The following EHHADH variants were observed in gnomAD, a reference collection of about 807,000 sequenced individuals.
EHHADH encodes enoyl-CoA hydratase and 3-hydroxyacyl CoA dehydrogenase.
Under a neutral mutation model 64.4 loss-of-function variants are expected in EHHADH, and 48 were observed. The ratio of observed to expected loss-of-function variants is 0.75; its 90% CI spans 0.59 to 0.95. EHHADH has a LOEUF of 0.95. Among genes scored for constraint, EHHADH ranks in the 40% least tolerant of loss-of-function variants. EHHADH has a pLI of 0.00. For missense variants in EHHADH, 854 were observed against 876.6 expected (o/e 0.97, Z 0.33); for synonymous variants, 308 against 326.7 (o/e 0.94, Z 0.62).
intron 2 of EHHADH, among the ~76,000 whole-genome samples, chr3:185,236,944 C>T (rs1719311468): frequency 6.6e-6 from 1 of 152,116 alleles, no homozygotes; most frequent in Non-Finnish European, 1.5e-5. Flanking sequence ...ATAACAATTC[C>T]CATTTTACAG....
chr3:185,206,914 A>T lies in EHHADH; in HGVS notation c.569-2157T>A, dbSNP rs77716386. Among the ~76,000 whole-genome samples the T allele has an allele frequency of 4.5e-3, 668 of 148,826 alleles. 11 individuals carry two copies. The highest frequency in any genetic ancestry group is 0.016 in the African/African-American group (614 of 38,936). ...TGGTAGTCAGAATAACACCCCCCCC[A>T]CCAAATGTTCATGTCTTAATTCCTA... On this transcript the variant is annotated intron_variant, in intron 5 of 6. Coordinates refer to ENST00000231887, the MANE Select transcript of EHHADH (RefSeq NM_001966.4).
Position 185,229,257 on chromosome 3 carries a change from T to A in EHHADH, c.463+175A>T, listed in dbSNP as rs566101524. Among the ~76,000 whole-genome samples, 3 of 152,362 alleles carry A rather than the reference T, an allele frequency of 2.0e-5. No individual in the cohort carries two copies. The South Asian group carries it at 6.2e-4, about 32-fold the overall frequency. On this transcript the variant is annotated intron_variant, in intron 4 of 6. Coordinates refer to ENST00000231887, the MANE Select transcript of EHHADH (RefSeq NM_001966.4). Reference sequence around the variant, plus strand: ...CACATTTGATCTTCACGATAACGTTTGAGAAGCTCAGAAAGGTAGTTCTCC... The same window carrying A: ...CACATTTGATCTTCACGATAACGTTAGAGAAGCTCAGAAAGGTAGTTCTCC...
chr3:185,195,050 C>A (rs540437727), intron 6 of EHHADH, among the ~76,000 whole-genome samples: 1 of 152,058 alleles, frequency 6.6e-6, no homozygotes, highest in Admixed American at 6.6e-5. Flanking sequence ...GAAGTTGGAC[C>A]CTTACCTCAC....
chr3:185,203,122 A>G (rs1158901750), intron 6 of EHHADH, among the ~76,000 whole-genome samples: 2 of 152,174 alleles, frequency 1.3e-5, no homozygotes, highest in South Asian at 2.1e-4. Context: ...TAAGGGCTAT[A>G]GACTAAATAA....
chr3:185,219,542 C>T (rs1718780474), intron 4 of EHHADH, among the ~76,000 whole-genome samples: 1 of 152,150 alleles, frequency 6.6e-6, no homozygotes, highest in Non-Finnish European at 1.5e-5. Flanking sequence ...AGGGTTTGCA[C>T]CGTTCCTAAA....
chr3:185,243,037 C>T (rs1202869839), intron 2 of EHHADH, among the ~76,000 whole-genome samples: 1 of 152,236 alleles, frequency 6.6e-6, no homozygotes, highest in Non-Finnish European at 1.5e-5. Context: ...AGGGCCTTTC[C>T]TGCTGCTTCC....
chr3:185,203,018 A>C (rs1439351781), intron 6 of EHHADH, among the ~76,000 whole-genome samples: 2 of 152,138 alleles, frequency 1.3e-5, no homozygotes, highest in African/African-American at 2.4e-5. Context: ...TGAAGGGAAA[A>C]AAAAGGATAT....
At chr3:185,253,261 A>C (rs1719798404) in intron 1 of EHHADH, 2 of 146,884 alleles carry the variant, frequency 1.4e-5, no homozygotes, top group South Asian at 2.2e-4. Flanking sequence ...AAAAAGTCCC[A>C]CTAATGCCAG....
At chr3:185,221,563 T>C (rs9851199) in intron 4 of EHHADH, among the ~76,000 whole-genome samples, 118,154 of 148,418 alleles carry the variant, frequency 0.8, 47,788 homozygotes, top group Non-Finnish European at 0.87. Flanking sequence ...TATAGCCTCA[T>C]GATATTTTTT....
chr3:185,221,880 A>T (rs905592611), intron 4 of EHHADH, among the ~76,000 whole-genome samples: 4 of 151,912 alleles, frequency 2.6e-5, no homozygotes, highest in Admixed American at 1.3e-4. Flanking sequence ...GGCCCGCCTC[A>T]CATTATTTTC....
At chr3:185,250,098 C>A (rs1489296626) in intron 1 of EHHADH, among the ~76,000 whole-genome samples, 3 of 152,206 alleles carry the variant, frequency 2.0e-5, no homozygotes, top group Non-Finnish European at 4.4e-5. Context: ...TTCCAGGGCA[C>A]TGCTGTGAGA....
chr3:185,243,773 C>T (rs964459457), intron 2 of EHHADH, among the ~76,000 whole-genome samples: 3 of 152,118 alleles, frequency 2.0e-5, no homozygotes, highest in Non-Finnish European at 2.9e-5. Flanking sequence ...TTTTGGAGAA[C>T]GTTCCATGCA....
Position 185,240,428 on chromosome 3 carries a change from T to C in EHHADH, c.179-4966A>G, listed in dbSNP as rs568888877. Among the ~76,000 whole-genome samples the C allele has an allele frequency of 5.3e-5, 8 of 152,164 alleles. No homozygotes were observed. The South Asian group carries it at 1.7e-3, about 32-fold the overall frequency. ...TTTTTTTGGTCAAAAAATTTTTTAT[T>C]ACTGATTCAATCTCATAACTCAGTA... On this transcript the variant is annotated intron_variant, in intron 2 of 6. Coordinates refer to ENST00000231887, the MANE Select transcript of EHHADH (RefSeq NM_001966.4).
chr3:185,207,459 G>C (rs1329294048), intron 5 of EHHADH, among the ~76,000 whole-genome samples: 1 of 152,156 alleles, frequency 6.6e-6, no homozygotes, highest in East Asian at 1.9e-4. Flanking sequence ...GACTCGACCT[G>C]TTGGCACTGA....
chr3:185,228,580 A>G (rs1719065695), intron 4 of EHHADH, among the ~76,000 whole-genome samples: 1 of 151,328 alleles, frequency 6.6e-6, no homozygotes, highest in South Asian at 2.1e-4. Flanking sequence ...TGGGAGGCTG[A>G]GGCAGGAGAA....
At chr3:185,196,242 TA>T (rs11284213) in intron 6 of EHHADH, among the ~76,000 whole-genome samples, 20,866 of 152,270 alleles carry the variant, frequency 0.14, 2,036 homozygotes, top group African/African-American at 0.27. Context: ...TTTAAAGCTT[TA>T]AAATATTTTC....
chr3:185,204,767 A>G lies in EHHADH; in HGVS notation c.569-10T>C, dbSNP rs1026695253. 8.8e-6 allele frequency: 14 copies of G among 1,586,268 alleles called. No homozygotes were observed. In the African/African-American group the frequency reaches 1.5e-4, roughly 17 times the overall value. On this transcript the variant is annotated splice_polypyrimidine_tract_variant and intron_variant, in intron 5 of 6. Transcript: ENST00000231887. The stretch of plus-strand genomic sequence containing the variant: ...GATTCTAGAGGTTGATCTGAAAGGA[A>G]TAAGAAGGATCAGAGCTTTGGAAAT...
At chr3:185,205,533 A>G (rs529782220) in intron 5 of EHHADH, among the ~76,000 whole-genome samples, 1 of 152,380 alleles carries the variant, frequency 6.6e-6, no homozygotes, top group Admixed American at 6.5e-5. Context: ...ATTATAGCCA[A>G]TGATTTTCAA....
intron 2 of EHHADH, among the ~76,000 whole-genome samples, chr3:185,238,181 C>G (rs1719349729): frequency 6.6e-6 from 1 of 152,056 alleles, no homozygotes; most frequent in African/African-American, 2.4e-5. Flanking sequence ...TAGGTTGATT[C>G]CATGACTTTG....
Sources: gnomAD v4.1 joint callset for allele counts (sites outside exome capture counted in the v4.1 genomes callset) on GRCh38, gnomAD v4.1.1 for gene constraint, MANE v1.5 for transcripts, NCBI Gene and HGNC (gene_info 2026-07-23, HGNC 2026-07-21) for gene names.